The following COLEC12 variants were observed in gnomAD, a reference collection of about 807,000 sequenced individuals.
The protein encoded by COLEC12 is collectin-12.
COLEC12 carries 33 observed loss-of-function variants against 71.1 expected under a neutral mutation model. The observed-to-expected ratio is 0.46, with a 90% CI of 0.35 to 0.62. The LOEUF (loss-of-function observed/expected upper bound fraction) is 0.62, where lower values mean the gene tolerates loss of function less well. COLEC12 is among the 20% of genes least tolerant of loss of function. The pLI is 0.00. For missense variants in COLEC12, 765 were observed against 916.1 expected, an observed-to-expected ratio of 0.84 and a Z score of 2.13; for synonymous variants, 350 against 353.0, an observed-to-expected ratio of 0.99 and a Z score of 0.10.
intron 2 of COLEC12, among the ~76,000 whole-genome samples, chr18:368,746 G>T (rs1227146474): frequency 2.0e-5 from 3 of 152,070 alleles, no homozygotes; most frequent in Non-Finnish European, 4.4e-5. Flanking sequence ...GGCGCCTGTA[G>T]TCCCAGCTAC....
chr18:401,751 C>T (rs1240692618), intron 2 of COLEC12, among the ~76,000 whole-genome samples: 1 of 152,096 alleles, frequency 6.6e-6, no homozygotes, highest in Non-Finnish European at 1.5e-5. Flanking sequence ...TAGTATAGTT[C>T]TTGGGGACAT....
At chr18:351,307 T>A (rs1914516209) in intron 3 of COLEC12, among the ~76,000 whole-genome samples, 1 of 152,050 alleles carries the variant, frequency 6.6e-6, no homozygotes. Flanking sequence ...TTTTTTTTTT[T>A]ACTGAGCTAA....
At chr18:482,131 T>C (rs924723600) in intron 1 of COLEC12, among the ~76,000 whole-genome samples, 5 of 151,806 alleles carry the variant, frequency 3.3e-5, no homozygotes, top group African/African-American at 1.2e-4. Context: ...TTTTTTTTTT[T>C]TTGAGATGGA....
At position 368,671 on chromosome 18, in the gene COLEC12, T is replaced by C. The variant is rs538465040; in HGVS notation, c.59-11149A>G. Among the ~76,000 whole-genome samples, 198 of 151,844 alleles carry C rather than the reference T, an allele frequency of 1.3e-3. 2 individuals carry two copies. The highest frequency in any genetic ancestry group is 4.8e-3 in the South Asian group (23 of 4,796). On this transcript the variant is annotated intron_variant, in intron 2 of 9. Coordinates refer to ENST00000400256, the MANE Select transcript of COLEC12 (RefSeq NM_130386.3). The stretch of plus-strand genomic sequence containing the variant: ...TGAGGTCAGGAGATCGAGACCAGCC[T>C]GGCTAACATGGTGAAACCCCGTCTC...
At chr18:328,311 G>A (rs143617630) in intron 8 of COLEC12, among the ~76,000 whole-genome samples, 1 of 152,284 alleles carries the variant, frequency 6.6e-6, no homozygotes, top group African/African-American at 2.4e-5. Context: ...GTAAAAGTGA[G>A]TCTGACTAGG....
intron 1 of COLEC12, among the ~76,000 whole-genome samples, chr18:490,670 G>A (rs1226669452): frequency 2.0e-5 from 3 of 152,222 alleles, no homozygotes; most frequent in Admixed American, 2.0e-4. Context: ...CAGATAACCA[G>A]CACTGATAAC....
chr18:320,425 A>G (rs1022729736), intron 9 of COLEC12, among the ~76,000 whole-genome samples: 1 of 152,128 alleles, frequency 6.6e-6, no homozygotes, highest in African/African-American at 2.4e-5. Context: ...GTGAGTTCCT[A>G]TGTGTCTTAA....
At chr18:352,920 G>C (rs918015819) in intron 3 of COLEC12, among the ~76,000 whole-genome samples, 4 of 152,206 alleles carry the variant, frequency 2.6e-5, no homozygotes, top group African/African-American at 9.6e-5. Flanking sequence ...GTGACCAGCA[G>C]TCTGGTTTCT....
At chr18:428,998 T>C (rs988994106) in intron 2 of COLEC12, among the ~76,000 whole-genome samples, 2 of 152,174 alleles carry the variant, frequency 1.3e-5, no homozygotes, top group Admixed American at 6.5e-5. Flanking sequence ...ATTTTGGGGG[T>C]AATCATAATT....
At chr18:386,709 A>G (rs113891239) in intron 2 of COLEC12, among the ~76,000 whole-genome samples, 2 of 152,348 alleles carry the variant, frequency 1.3e-5, no homozygotes, top group African/African-American at 4.8e-5. Flanking sequence ...GGATATGGGA[A>G]CCAGGCAGAC....
In COLEC12 at chr18:390,545, G is replaced by A. The variant is rs147249644; in HGVS notation, c.59-33023C>T. On this transcript the variant is annotated intron_variant, in intron 2 of 9. Coordinates refer to ENST00000400256, the MANE Select transcript of COLEC12 (RefSeq NM_130386.3). ...GGGAGGCAAGGTGGGCAGATCACCC[G>A]AGGTCGGGAGTTCGAGACCAGACTG... is the stretch of plus-strand genomic sequence containing the variant. Among the ~76,000 whole-genome samples, 957 of 152,318 alleles carry A rather than the reference G, an allele frequency of 6.3e-3. 9 individuals carry two copies. Among genetic ancestry groups the A allele is most frequent in the African/African-American group, 0.022 (915 of 41,570 alleles).
chr18:491,962 T>C (rs557151814), intron 1 of COLEC12, among the ~76,000 whole-genome samples: 1 of 152,292 alleles, frequency 6.6e-6, no homozygotes, highest in East Asian at 1.9e-4. Context: ...TATTATGTAT[T>C]CTCCTGGTGA....
At chr18:338,355 C>A (rs1914166504) in intron 5 of COLEC12, among the ~76,000 whole-genome samples, 3 of 152,170 alleles carry the variant, frequency 2.0e-5, no homozygotes, top group Admixed American at 2.0e-4. Context: ...TTAAAAAGTC[C>A]AGCACTCTAA....
chr18:442,365 C>A (rs573075281), intron 2 of COLEC12, among the ~76,000 whole-genome samples: 1 of 152,306 alleles, frequency 6.6e-6, no homozygotes, highest in South Asian at 2.1e-4. Flanking sequence ...ACTTGACTGG[C>A]ATGACCTTGG....
chr18:318,515 T>TG lies in COLEC12; in HGVS notation c.*1529dup, dbSNP rs1913608390. On this transcript the variant is annotated 3_prime_UTR_variant, in exon 10 of 10. Transcript: ENST00000400256. ...TTTTTTTTTTTTTTTTTTTTTGAGA[T>TG]GGAGTCTTGCTCTGTCACCGAGGCT... 9.2e-6 allele frequency: 1 copy of TG among 109,046 alleles called. No homozygotes were observed. Among genetic ancestry groups the TG allele is most frequent in the East Asian group, 2.6e-4 (1 of 3,856 alleles). 6.8% of individuals were successfully genotyped at this position (109,046 alleles called of 1,614,324 possible).
intron 6 of COLEC12, 29 bp downstream of exon 6, chr18:334,713 C>G: frequency 6.9e-7 from 1 of 1,454,442 alleles, no homozygotes; most frequent in Non-Finnish European, 9.0e-7. Context: ...TGCCCTGTCC[C>G]CCTGGCTGGA....
At chr18:401,837 C>A (rs1266195528) in intron 2 of COLEC12, among the ~76,000 whole-genome samples, 2 of 152,290 alleles carry the variant, frequency 1.3e-5, no homozygotes, top group East Asian at 3.9e-4. Flanking sequence ...GACAGAAAGG[C>A]TGAACACACT....
intron 2 of COLEC12, among the ~76,000 whole-genome samples, chr18:448,897 A>G (rs1312937260): frequency 6.6e-6 from 1 of 152,174 alleles, no homozygotes; most frequent in Non-Finnish European, 1.5e-5. Flanking sequence ...TTAAAAAGTT[A>G]CTTCAGTTGA....
intron 2 of COLEC12, among the ~76,000 whole-genome samples, chr18:365,662 T>A (rs1158211206): frequency 6.6e-6 from 1 of 152,044 alleles, no homozygotes; most frequent in Admixed American, 6.6e-5. Context: ...GATTAAAAAA[T>A]TTATTTACCT....
Sources: gnomAD v4.1 joint callset for allele counts (sites outside exome capture counted in the v4.1 genomes callset) on GRCh38, gnomAD v4.1.1 for gene constraint, MANE v1.5 for transcripts, NCBI Gene and HGNC (gene_info 2026-07-23, HGNC 2026-07-21) for gene names.